The following SLC30A5 variants were observed in gnomAD, a reference collection of about 807,000 sequenced individuals.
SLC30A5 encodes the protein solute carrier family 30 member 5.
SLC30A5 carries 33 observed loss-of-function variants against 79.6 expected under a neutral mutation model. That is an observed-to-expected ratio of 0.41 (90% CI 0.31 to 0.55). The LOEUF (loss-of-function observed/expected upper bound fraction) is 0.55. Among genes scored for constraint, SLC30A5 ranks in the 20% least tolerant of loss-of-function variants. The pLI is 0.20. For synonymous variants in SLC30A5, 299 were observed against 319.7 expected (o/e 0.94, Z 0.69); for missense variants, 788 against 928.1 (o/e 0.85, Z 1.96).
At chr5:69,113,028 T>A in intron 5 of SLC30A5, 112 bp from the exon 6 acceptor site, 1 of 827,442 alleles carries the variant, frequency 1.2e-6, no homozygotes, top group Non-Finnish European at 1.9e-6. Flanking sequence ...TTTTAATGCA[T>A]TTTTGTAAAT....
At chr5:69,099,791 C>T (rs1310875654) in intron 1 of SLC30A5, among the ~76,000 whole-genome samples, 2 of 152,146 alleles carry the variant, frequency 1.3e-5, no homozygotes, top group Non-Finnish European at 2.9e-5. Flanking sequence ...TTATTTTGTT[C>T]TCCTTATTTG....
At chr5:69,113,030 T>A in intron 5 of SLC30A5, 110 bp from the exon 6 acceptor site, 2 of 842,112 alleles carry the variant, frequency 2.4e-6, no homozygotes, top group Non-Finnish European at 3.7e-6. Context: ...TTAATGCATT[T>A]TTGTAAATGC....
At chr5:69,122,630 G>A (rs1245615742) in intron 13 of SLC30A5, among the ~76,000 whole-genome samples, 1 of 152,048 alleles carries the variant, frequency 6.6e-6, no homozygotes, top group Non-Finnish European at 1.5e-5. Context: ...CTCCAGCCTG[G>A]GCAACAGAGT....
chr5:69,128,087 T>C lies in SLC30A5; in HGVS notation c.2082T>C (p.His694=). ...HSASIVAGTI[H]IQVTSDVLEQ... is the part of the protein sequence containing the mutation. ...CTAGTATTGTGGCAGGAACAATTCA[T>C]ATACAGGTGACATCTGATGTGCTAG... Residue 694 remains histidine, a synonymous_variant, in exon 15 of 16, where the codon CAT becomes CAC. Transcript: ENST00000396591. 13 of 1,612,656 alleles carry C rather than the reference T, an allele frequency of 8.1e-6. No individual in the cohort carries two copies. The highest frequency in any genetic ancestry group is 1.1e-5 in the Non-Finnish European group (13 of 1,179,056).
At chr5:69,125,152 G>A (rs1290328787) in intron 14 of SLC30A5, among the ~76,000 whole-genome samples, 4 of 152,096 alleles carry the variant, frequency 2.6e-5, no homozygotes, top group African/African-American at 9.7e-5. Flanking sequence ...CACTTTGGGA[G>A]GCTGAGGTGA....
At chr5:69,101,568 C>T (rs1253122425) in intron 2 of SLC30A5, among the ~76,000 whole-genome samples, 7 of 151,808 alleles carry the variant, frequency 4.6e-5, no homozygotes, top group African/African-American at 1.5e-4. Flanking sequence ...TGAGCCACCA[C>T]GCCTGGCCTA....
At chr5:69,126,744 T>G (rs1318016660) in intron 14 of SLC30A5, among the ~76,000 whole-genome samples, 2 of 151,372 alleles carry the variant, frequency 1.3e-5, no homozygotes, top group African/African-American at 4.9e-5. Flanking sequence ...CACTCCAGCC[T>G]GGGCGACAGA....
intron 1 of SLC30A5, among the ~76,000 whole-genome samples, chr5:69,100,300 G>C (rs1745873215): frequency 6.6e-6 from 1 of 152,100 alleles, no homozygotes; most frequent in South Asian, 2.1e-4. Context: ...CTGTCGCCCA[G>C]GCTGGAGTGC....
chr5:69,129,458 A>T lies in SLC30A5; in HGVS notation c.2139A>T (p.Ile713=). 6.2e-7 allele frequency: 1 copy of T among 1,611,240 alleles called. No individual in the cohort carries two copies. The highest frequency in any genetic ancestry group is 1.7e-5 in the Admixed American group (1 of 59,708). Residue 713 remains isoleucine, a synonymous_variant, in exon 16 of 16, where the codon ATA becomes ATT. Coordinates refer to ENST00000396591, the MANE Select transcript of SLC30A5 (RefSeq NM_022902.5). ...GATTTTTATAACAGGTTACAGGAAT[A>T]CTTAAAGATGCTGGAGTAAACAATT... The part of the protein sequence containing the change: ...EQRIVQQVTG[I]LKDAGVNNLT...
rs1746392183 is a variant in SLC30A5, at chr5:69,117,126, A to G, written c.1282-113A>G. 7 of 807,792 alleles carry G rather than the reference A, an allele frequency of 8.7e-6. No homozygotes were observed. In the East Asian group the frequency reaches 1.8e-4, roughly 21 times the overall value. The allele number at this position is 807,792 out of a possible 1,614,324, so 50.0% of individuals were successfully genotyped here. On this transcript the variant is annotated intron_variant, in intron 10 of 15. Coordinates refer to ENST00000396591, the MANE Select transcript of SLC30A5 (RefSeq NM_022902.5). ...TTCTAATGTAAGTGGCAGTTAAATA[A>G]CTAAACAATTATAGCAGATCTTCAA...
chr5:69,100,164 C>T (rs1006548464), intron 1 of SLC30A5, among the ~76,000 whole-genome samples: 10 of 152,182 alleles, frequency 6.6e-5, no homozygotes, highest in Non-Finnish European at 1.2e-4. Context: ...GGTGAGTTTT[C>T]GCCATGTTGG....
chr5:69,122,691 GT>G (rs1163177710), intron 13 of SLC30A5, among the ~76,000 whole-genome samples: 3 of 152,118 alleles, frequency 2.0e-5, no homozygotes, highest in African/African-American at 7.2e-5. Context: ...GTTCTTAAAT[GT>G]TAGTTTTTAA....
In SLC30A5 at chr5:69,116,372, A is replaced by G; in HGVS notation, c.1073-22A>G. On this transcript the variant is annotated intron_variant, in intron 9 of 15. Transcript: ENST00000396591. This position sits in a 1 kb window ranked among gnomAD's most constrained non-coding sequence, Gnocchi z 4.0. Reference sequence around the variant, plus strand: ...AGCTTAAACTTCGAAAATTTAAACAATATTGTTTTTTCTCTTTGTAGCTGC... The same window carrying G: ...AGCTTAAACTTCGAAAATTTAAACAGTATTGTTTTTTCTCTTTGTAGCTGC... 6.4e-7 allele frequency: 1 copy of G among 1,550,670 alleles called. No homozygotes were observed. Among genetic ancestry groups the G allele is most frequent in the Non-Finnish European group, 8.7e-7 (1 of 1,152,302 alleles).
intron 5 of SLC30A5, among the ~76,000 whole-genome samples, chr5:69,111,241 C>T (rs966688124): frequency 6.6e-6 from 1 of 151,818 alleles, no homozygotes; most frequent in African/African-American, 2.4e-5. Flanking sequence ...ATCTGTCCGC[C>T]TTGGCCTCCC....
chr5:69,126,806 AC>A (rs200987375), intron 14 of SLC30A5, among the ~76,000 whole-genome samples: 53 of 150,070 alleles, frequency 3.5e-4, no homozygotes, highest in East Asian at 1.6e-3. Context: ...AACAACAACA[AC>A]AAAATATATA....
chr5:69,107,734 CTTTTT>C (rs377505223), intron 4 of SLC30A5, among the ~76,000 whole-genome samples: 1 of 137,014 alleles, frequency 7.3e-6, no homozygotes, highest in Non-Finnish European at 1.6e-5. Flanking sequence ...GTTGCCTGTA[CTTTTT>C]TTTTTTTTTT....
At chr5:69,108,489 A>G (rs1392831999) in intron 5 of SLC30A5, 53 bp downstream of exon 5, 7 of 1,255,148 alleles carry the variant, frequency 5.6e-6, no homozygotes, top group Non-Finnish European at 8.2e-6. Context: ...TATGTCACAT[A>G]TTATCCAAAG....
In SLC30A5 at chr5:69,130,479, A is replaced by G. The variant is rs1462198992; in HGVS notation, c.*862A>G. ...TAACGTTGTGAAACAGCCAGTTAAG[A>G]GAATCGTAAATAATTGTCAACTCAC... On this transcript the variant is annotated 3_prime_UTR_variant, in exon 16 of 16. Transcript: ENST00000396591. 1 of 152,208 alleles carries G rather than the reference A, an allele frequency of 6.6e-6. No homozygotes were observed. Among genetic ancestry groups the G allele is most frequent in the Admixed American group, 6.5e-5 (1 of 15,278 alleles). 9.4% of individuals were successfully genotyped at this position (152,208 alleles called of 1,614,324 possible).
chr5:69,095,158 A>C (rs1745685290), intron 1 of SLC30A5, among the ~76,000 whole-genome samples: 1 of 151,556 alleles, frequency 6.6e-6, no homozygotes, highest in South Asian at 2.1e-4. Flanking sequence ...TAAATGTGAT[A>C]AATTCTTTAG....
Sources: allele counts gnomAD v4.1 joint callset (sites outside exome capture counted in the v4.1 genomes callset), GRCh38; gene constraint gnomAD v4.1.1; non-coding constraint Gnocchi (gnomAD v3.1); transcripts MANE v1.5; gene names NCBI Gene and HGNC (gene_info 2026-07-23, HGNC 2026-07-21).